The following PTCHD1 variants were observed in gnomAD, a reference collection of about 807,000 sequenced individuals.
PTCHD1 encodes the protein patched domain-containing protein 1.
PTCHD1 carries 3 observed loss-of-function variants against 34.6 expected under a neutral mutation model. That is an observed-to-expected ratio of 0.09 (90% confidence interval 0.04 to 0.22). The LOEUF is 0.22. Ranked by LOEUF, PTCHD1 falls within the 10% of genes least tolerant of loss-of-function variation. PTCHD1 has a pLI of 1.00. For missense variants in PTCHD1, 504 were observed against 685.5 expected (o/e 0.74, Z 2.96); for synonymous variants, 305 against 283.1 (o/e 1.08, Z -0.77).
intron 1 of PTCHD1, among the ~76,000 whole-genome samples, chrX:23,349,311 A>G (rs1921563446): frequency 8.9e-6 from 1 of 112,183 alleles, no homozygotes; most frequent in Non-Finnish European, 1.9e-5. Flanking sequence ...TAATTATATC[A>G]ATAATCACTT....
intron 1 of PTCHD1, among the ~76,000 whole-genome samples, chrX:23,343,860 GC>G (rs1921407380): frequency 8.9e-6 from 1 of 112,291 alleles, no homozygotes; most frequent in Non-Finnish European, 1.9e-5. Context: ...CTGCTATAGA[GC>G]TGTCATTATA....
At chrX:23,388,596 C>A (rs1416157037) in intron 2 of PTCHD1, among the ~76,000 whole-genome samples, 1 of 111,175 alleles carries the variant, frequency 9.0e-6, no homozygotes, top group East Asian at 2.8e-4. Context: ...TTTGGGAGGC[C>A]GAGGCAGGCA....
intron 1 of PTCHD1, among the ~76,000 whole-genome samples, chrX:23,340,544 G>A (rs1177271583): frequency 8.9e-6 from 1 of 112,470 alleles, no homozygotes; most frequent in African/African-American, 3.2e-5. Context: ...TTCTGACAGT[G>A]TGTAAGACCC....
intron 1 of PTCHD1, among the ~76,000 whole-genome samples, chrX:23,354,700 G>A (rs1921752986): frequency 9.3e-6 from 1 of 106,980 alleles, no homozygotes; most frequent in Non-Finnish European, 1.9e-5. Context: ...AGCCTCCCGA[G>A]TAGCTGCGAC....
In PTCHD1 at chrX:23,383,869, G is replaced by T. The variant is rs147137253; in HGVS notation, c.1012+3618G>T. Among the ~76,000 whole-genome samples the T allele has an allele frequency of 6.9e-3, 779 of 112,401 alleles. 11 individuals are homozygous for T. The highest frequency in any genetic ancestry group is 0.024 in the African/African-American group (732 of 31,046). ...CCCTTTCCAAATATATTGATATCAA[G>T]TAGTGAGTTACTTGAATTGCTACTT... On this transcript the variant is annotated intron_variant, in intron 2 of 2. Transcript: ENST00000379361.
intron 1 of PTCHD1, among the ~76,000 whole-genome samples, chrX:23,356,118 G>GGA (rs749256548): frequency 3.6e-5 from 4 of 111,914 alleles, no homozygotes; most frequent in Non-Finnish European, 5.6e-5. Flanking sequence ...CAAGGTTTCA[G>GGA]GACATGCAAG....
intron 1 of PTCHD1, among the ~76,000 whole-genome samples, chrX:23,371,381 TCAAGCCA>T (rs1922274520): frequency 9.0e-6 from 1 of 111,413 alleles, no homozygotes; most frequent in Non-Finnish European, 1.9e-5. Context: ...GGAGGCATTG[TCAAGCCA>T]GCTACTCTGT....
At chrX:23,354,614 C>G (rs1418901168) in intron 1 of PTCHD1, among the ~76,000 whole-genome samples, 1 of 103,549 alleles carries the variant, frequency 9.7e-6, no homozygotes, top group East Asian at 3.0e-4. Context: ...GCTCTGTCTC[C>G]CAGGCTGGAG....
chrX:23,363,263 A>G (rs1363097129), intron 1 of PTCHD1, among the ~76,000 whole-genome samples: 1 of 112,788 alleles, frequency 8.9e-6, no homozygotes, highest in Non-Finnish European at 1.9e-5. Flanking sequence ...CAGAGGTGGA[A>G]TCTACAGAGG....
At chrX:23,390,342 A>C (rs1360825582) in intron 2 of PTCHD1, among the ~76,000 whole-genome samples, 1 of 109,506 alleles carries the variant, frequency 9.1e-6, no homozygotes, top group Non-Finnish European at 1.9e-5. Flanking sequence ...AAAAAAAAAA[A>C]AAACAAAAAA....
intron 2 of PTCHD1, among the ~76,000 whole-genome samples, chrX:23,387,190 C>T (rs1238323801): frequency 1.8e-5 from 2 of 112,283 alleles, no homozygotes; most frequent in African/African-American, 6.5e-5. Context: ...AAATATTATT[C>T]ACTTTATGAG....
chrX:23,365,544 G>T (rs904257947), intron 1 of PTCHD1, among the ~76,000 whole-genome samples: 1 of 111,355 alleles, frequency 9.0e-6, no homozygotes, highest in Non-Finnish European at 1.9e-5. Context: ...AATTAAGCAG[G>T]CCACTTCTGT....
Position 23,401,719 on chromosome X carries a change from T to A in PTCHD1, c.*7534T>A, listed in dbSNP as rs756530429. On this transcript the variant is annotated 3_prime_UTR_variant, in exon 3 of 3. Transcript: ENST00000379361. ...TGCCTTGGCAGGCCCAGCCCTATAG[T>A]TCTGTAAGGTTTGGCAGGCCAAAGG... 1.8e-5 allele frequency: 2 copies of A among 113,010 alleles called. No homozygotes were observed. The highest frequency in any genetic ancestry group is 1.9e-4 in the Admixed American group (2 of 10,751). 9.3% of individuals were successfully genotyped at this position (113,010 alleles called of 1,213,427 possible). A position where few individuals can be genotyped will look rare whatever the true frequency, so the allele number is the denominator to read the frequency against.
At chrX:23,348,759 G>A (rs1211267422) in intron 1 of PTCHD1, among the ~76,000 whole-genome samples, 1 of 111,665 alleles carries the variant, frequency 9.0e-6, no homozygotes, top group Non-Finnish European at 1.9e-5. Flanking sequence ...TGAGTTCATC[G>A]CCAGCAGTGT....
Position 23,392,728 on chromosome X carries a change from T to G in PTCHD1, c.1210T>G (p.Cys404Gly). Residue 404 changes from cysteine (C) to glycine (G), a missense_variant, in exon 3 of 3, where the codon TGC becomes GGC. Physicochemically the swap from Cys to Gly is radical, Grantham distance 159 (BLOSUM62 -3). Transcript: ENST00000379361. Reference sequence around the variant, plus strand: ...CATTGAGGCAGCCAGGATTTTCTGCTGCAATTCCTGTATTGCAATCTTCTT... The same window carrying G: ...CATTGAGGCAGCCAGGATTTTCTGCGGCAATTCCTGTATTGCAATCTTCTT... ...TNIEAARIFCCNSCIAIFFNY... is the reference protein window; with the variant it reads ...TNIEAARIFCGNSCIAIFFNY... The G allele has an allele frequency of 8.3e-7, 1 of 1,212,117 alleles. No homozygotes were observed. The highest frequency in any genetic ancestry group is 3.0e-5 in the East Asian group (1 of 33,865).
At chrX:23,379,069 G>A (rs187895180) in intron 1 of PTCHD1, among the ~76,000 whole-genome samples, 1 of 111,821 alleles carries the variant, frequency 8.9e-6, no homozygotes, top group East Asian at 2.8e-4. Flanking sequence ...CCTGCAAATC[G>A]GCATTAAAGG....
At chrX:23,373,323 C>G (rs1166324478) in intron 1 of PTCHD1, among the ~76,000 whole-genome samples, 1 of 112,537 alleles carries the variant, frequency 8.9e-6, no homozygotes. Context: ...TCAACTCTCC[C>G]AGACCTGCAC....
intron 1 of PTCHD1, among the ~76,000 whole-genome samples, chrX:23,343,980 ATTGT>A (rs1391247144): frequency 8.9e-6 from 1 of 112,435 alleles, no homozygotes; most frequent in Non-Finnish European, 1.9e-5. Flanking sequence ...CTGAGTAAAG[ATTGT>A]TTGATTGCTC....
At chrX:23,351,035 C>T in intron 1 of PTCHD1, 1 of 388,148 alleles carries the variant, frequency 2.6e-6, no homozygotes. Context: ...TTTTCCTATC[C>T]TGATTCAAAT....
Sources: allele counts gnomAD v4.1 joint callset (sites outside exome capture counted in the v4.1 genomes callset), GRCh38; gene constraint gnomAD v4.1.1; transcripts MANE v1.5; gene names NCBI Gene and HGNC (gene_info 2026-07-23, HGNC 2026-07-21).